The following NRXN1 variants were observed in gnomAD, a reference collection of about 807,000 sequenced individuals.
NRXN1 encodes neurexin-1.
Under a neutral mutation model 150.9 loss-of-function variants are expected in NRXN1, and 39 were observed. The observed-to-expected ratio is 0.26, with a 90% CI of 0.20 to 0.34. NRXN1 has a LOEUF of 0.34. Among genes scored for constraint, NRXN1 ranks in the 10% least tolerant of loss-of-function variants. NRXN1 has a pLI of 1.00. For synonymous variants in NRXN1, 924 were observed against 757.0 expected, an observed-to-expected ratio of 1.22 and a Z score of -3.62; for missense variants, 1,815 against 1,949.9, an observed-to-expected ratio of 0.93 and a Z score of 1.30.
Position 50,276,157 on chromosome 2 carries a change from G to C in NRXN1, c.3365-39187C>G, listed in dbSNP as rs373777311. 1.4e-4 allele frequency among the ~76,000 whole-genome samples: 21 copies of C among 152,140 alleles called. 1 individual carries two copies. Among genetic ancestry groups the C allele is most frequent in the African/African-American group, 5.1e-4 (21 of 41,528 alleles). On this transcript the variant is annotated intron_variant, in intron 17 of 22. Transcript: ENST00000401669. ...CAACCACAACAAAAAAAGGCTTCTTGATGCTTCTTTTGATTCTAAGGGGGA... is the reference window on the plus strand; with the variant it reads ...CAACCACAACAAAAAAAGGCTTCTTCATGCTTCTTTTGATTCTAAGGGGGA...
At chr2:50,239,354 A>G (rs1021831217) in intron 17 of NRXN1, among the ~76,000 whole-genome samples, 2 of 151,510 alleles carry the variant, frequency 1.3e-5, no homozygotes, top group Non-Finnish European at 3.0e-5. Flanking sequence ...GAAATAAGAA[A>G]AATATTCAAA....
chr2:50,897,353 C>T (rs996631356), intron 5 of NRXN1, among the ~76,000 whole-genome samples: 1 of 152,162 alleles, frequency 6.6e-6, no homozygotes, highest in Non-Finnish European at 1.5e-5. Flanking sequence ...TTTTCTCAAA[C>T]AATGAGTATC....
intron 8 of NRXN1, among the ~76,000 whole-genome samples, chr2:50,607,819 T>C (rs1677379555): frequency 6.6e-6 from 1 of 151,986 alleles, no homozygotes; most frequent in Non-Finnish European, 1.5e-5. Flanking sequence ...TTAATGGTCA[T>C]GGGCTTAGGT....
intron 2 of NRXN1, among the ~76,000 whole-genome samples, chr2:50,940,725 T>C (rs1333723181): frequency 6.6e-6 from 1 of 152,186 alleles, no homozygotes; most frequent in African/African-American, 2.4e-5. Flanking sequence ...GATGAGAAAC[T>C]GGAATTCTAA....
At chr2:50,256,789 T>C (rs1026889850) in intron 17 of NRXN1, among the ~76,000 whole-genome samples, 1 of 152,150 alleles carries the variant, frequency 6.6e-6, no homozygotes, top group Non-Finnish European at 1.5e-5. Flanking sequence ...GTGTTTATTC[T>C]AGTTCAGATC....
At chr2:50,332,888 T>C (rs1054071484) in intron 17 of NRXN1, among the ~76,000 whole-genome samples, 11 of 152,192 alleles carry the variant, frequency 7.2e-5, no homozygotes, top group Non-Finnish European at 4.4e-5. Flanking sequence ...GGAATCCTCA[T>C]TTCTTTTCCA....
chr2:50,571,455 G>C (rs1670648137), intron 8 of NRXN1, among the ~76,000 whole-genome samples: 1 of 152,064 alleles, frequency 6.6e-6, no homozygotes, highest in African/African-American at 2.4e-5. Context: ...AATTACTCAA[G>C]GTCTCAGTGT....
At chr2:50,280,832 GT>G (rs2071333521) in intron 17 of NRXN1, among the ~76,000 whole-genome samples, 1 of 151,972 alleles carries the variant, frequency 6.6e-6, no homozygotes, top group Non-Finnish European at 1.5e-5. Flanking sequence ...TGAAAGGGAG[GT>G]TTTCCTGTTT....
At position 50,775,613 on chromosome 2, in the gene NRXN1, G is replaced by A. The variant is rs368676818; in HGVS notation, c.832+146256C>T. On this transcript the variant is annotated intron_variant, in intron 5 of 22. Transcript: ENST00000401669. Reference sequence around the variant, plus strand: ...CTACTTATTGGGCCTTTAAAGACACGAGAGATAATTTATTAGAGGACACGC... The same window carrying A: ...CTACTTATTGGGCCTTTAAAGACACAAGAGATAATTTATTAGAGGACACGC... 5.9e-5 allele frequency among the ~76,000 whole-genome samples: 9 copies of A among 152,112 alleles called. No homozygotes were observed. In the South Asian group the frequency reaches 8.3e-4, roughly 14 times the overall value.
chr2:50,828,279 C>T lies in NRXN1; in HGVS notation c.832+93590G>A, dbSNP rs1442178002. ...GGCTGGCCGGGCGGGGGGCTGACCC[C>T]CCCCACCTCCCTCCCGGACGGGGCG... On this transcript the variant is annotated intron_variant, in intron 5 of 22. Transcript: ENST00000401669. 5.7e-5 allele frequency among the ~76,000 whole-genome samples: 8 copies of T among 139,586 alleles called. No homozygotes were observed. The South Asian group carries it at 9.5e-4, about 17-fold the overall frequency. 91.6% of individuals were successfully genotyped at this position (139,586 alleles called of 152,430 possible).
At chr2:50,091,570 T>C in intron 18 of NRXN1, 76 bp from the exon 19 acceptor site, 1 of 1,497,742 alleles carries the variant, frequency 6.7e-7, no homozygotes, top group Non-Finnish European at 9.2e-7. Context: ...ATACAAGGTA[T>C]TGTTTTAAAA....
At chr2:50,276,004 C>T (rs2070406026) in intron 17 of NRXN1, among the ~76,000 whole-genome samples, 1 of 125,788 alleles carries the variant, frequency 7.9e-6, no homozygotes, top group Admixed American at 7.8e-5. Context: ...AAAAAAAAAG[C>T]CCAGTCTGCA....
chr2:50,220,378 G>C (rs2063793105), intron 18 of NRXN1, among the ~76,000 whole-genome samples: 2 of 151,842 alleles, frequency 1.3e-5, no homozygotes, highest in African/African-American at 4.8e-5. Context: ...ACAGATCCTA[G>C]TTGATGATTA....
chr2:50,364,968 G>GA (rs996573012), intron 17 of NRXN1, among the ~76,000 whole-genome samples: 3 of 151,666 alleles, frequency 2.0e-5, no homozygotes, highest in Non-Finnish European at 4.4e-5. Context: ...TAAGGAAAAT[G>GA]AAAAAAAGAA....
Position 50,744,445 on chromosome 2 carries a change from TTAA to T in NRXN1, c.833-120833_833-120831del, listed in dbSNP as rs557894891. Among the ~76,000 whole-genome samples the T allele has an allele frequency of 7.9e-4, 120 of 152,264 alleles. 1 individual carries two copies. The highest frequency in any genetic ancestry group is 2.6e-3 in the African/African-American group (106 of 41,568). On this transcript the variant is annotated intron_variant, in intron 5 of 22. Coordinates refer to ENST00000401669, the MANE Select transcript of NRXN1 (RefSeq NM_001330078.2). ...AAACATTAATTATAACAAGATATAA[TTAA>T]TAATCAGTTACTACTTATCGAGAAT... is the stretch of plus-strand genomic sequence containing the variant.
At position 50,632,821 on chromosome 2, in the gene NRXN1, G is replaced by A. The variant is rs909849156; in HGVS notation, c.833-9206C>T. On this transcript the variant is annotated intron_variant, in intron 5 of 22. Transcript: ENST00000401669. ...AATAAAAAGCCCGGGGCTGGGTGGC[G>A]GGCGAAAGAATCAGAGAGCTCTGAT... 5.3e-5 allele frequency: 8 copies of A among 151,892 alleles called. No homozygotes were observed. The South Asian group carries it at 6.2e-4, about 12-fold the overall frequency. The allele number at this position is 151,892 out of a possible 1,614,324, so 9.4% of individuals were successfully genotyped here.
At chr2:50,731,867 T>G (rs1244168707) in intron 5 of NRXN1, among the ~76,000 whole-genome samples, 2 of 152,186 alleles carry the variant, frequency 1.3e-5, no homozygotes, top group African/African-American at 4.8e-5. Context: ...TAGGCATGCC[T>G]TGTTTTCGTT....
chr2:49,973,165 T>C (rs1190119006), intron 21 of NRXN1: 3 of 152,236 alleles, frequency 2.0e-5, no homozygotes, highest in East Asian at 3.8e-4. Flanking sequence ...TCCTCTAGGA[T>C]ATAATTTCTT....
At chr2:50,060,187 C>G (rs1353139781) in intron 19 of NRXN1, among the ~76,000 whole-genome samples, 2 of 152,200 alleles carry the variant, frequency 1.3e-5, no homozygotes, top group African/African-American at 4.8e-5. Context: ...CTGCCCAAGA[C>G]CATGGGAACC....
Sources: allele counts gnomAD v4.1 joint callset (sites outside exome capture counted in the v4.1 genomes callset), GRCh38; gene constraint gnomAD v4.1.1; transcripts MANE v1.5; gene names NCBI Gene and HGNC (gene_info 2026-07-23, HGNC 2026-07-21).